Variants in IGSF11 observed in about 807,000 individuals in gnomAD.
IGSF11 encodes CXADR like 1.
IGSF11 carries 22 observed loss-of-function variants against 41.0 expected under a neutral mutation model. The observed-to-expected ratio is 0.54, with a 90% confidence interval of 0.38 to 0.77. The LOEUF is 0.77. IGSF11 is among the 30% of genes least tolerant of loss of function. The probability of loss-of-function intolerance (pLI) is 0.00; values close to 1 mark genes in which losing one functional copy is unlikely to be tolerated. For synonymous variants in IGSF11, 219 were observed against 201.3 expected (o/e 1.09, Z -0.74); for missense variants, 444 against 530.8 (o/e 0.84, Z 1.61).
chr3:118,978,996 C>G (rs1934423443), intron 1 of IGSF11, among the ~76,000 whole-genome samples: 1 of 151,952 alleles, frequency 6.6e-6, no homozygotes, highest in Non-Finnish European at 1.5e-5. Context: ...AAAAGAAAAC[C>G]TCCCTGAGCT....
chr3:118,994,204 G>T (rs972538975), intron 1 of IGSF11, among the ~76,000 whole-genome samples: 1 of 151,986 alleles, frequency 6.6e-6, no homozygotes, highest in African/African-American at 2.4e-5. Context: ...TGGCTCTGGG[G>T]GCACCAGAGA....
At chr3:118,986,988 A>G (rs1033301814) in intron 1 of IGSF11, among the ~76,000 whole-genome samples, 2 of 152,230 alleles carry the variant, frequency 1.3e-5, no homozygotes, top group African/African-American at 4.8e-5. Flanking sequence ...TAGCAGTTCC[A>G]TAAGGTTAGG....
chr3:119,054,901 T>C (rs1041236906), intron 1 of IGSF11, among the ~76,000 whole-genome samples: 1 of 151,912 alleles, frequency 6.6e-6, no homozygotes, highest in South Asian at 2.1e-4. Flanking sequence ...CCCTGACACC[T>C]GAGTAGCCTA....
chr3:118,928,573 G>A lies in IGSF11; in HGVS notation c.360C>T (p.Cys120=), dbSNP rs779094816. ...TQLSDTGTYQ[C]LVNNLPDIGG... ...CTATGTCTGGAAGGTTGTTGACCAG[G>A]CACTGGTAGGTGCCAGTGTCTGATA... Residue 120 remains cysteine (C), a synonymous_variant, in exon 3 of 7, where the codon TGC becomes TGT. Transcript: ENST00000393775. 7 of 1,613,754 alleles carry A rather than the reference G, an allele frequency of 4.3e-6. No individual in the cohort carries two copies. The highest frequency in any genetic ancestry group is 5.9e-6 in the Non-Finnish European group (7 of 1,179,846).
At chr3:119,108,898 T>C (rs2107515665), upstream of IGSF11, among the ~76,000 whole-genome samples, 1 of 139,790 alleles carries the variant, frequency 7.2e-6, no homozygotes, top group East Asian at 2.1e-4. Flanking sequence ...CATTTATTGA[T>C]TTGCATATAT....
At chr3:119,030,256 T>C (rs1425264693) in intron 1 of IGSF11, among the ~76,000 whole-genome samples, 1 of 152,232 alleles carries the variant, frequency 6.6e-6, no homozygotes, top group Non-Finnish European at 1.5e-5. Flanking sequence ...ATGGGTTTCA[T>C]CCTATACTCT....
chr3:118,989,497 C>T (rs1487468085), intron 1 of IGSF11, among the ~76,000 whole-genome samples: 8 of 152,074 alleles, frequency 5.3e-5, no homozygotes, highest in Non-Finnish European at 1.2e-4. Flanking sequence ...GGACTACAGG[C>T]GCCCACCACC....
chr3:119,098,356 A>G (rs2076889132), intron 1 of IGSF11, among the ~76,000 whole-genome samples: 1 of 152,212 alleles, frequency 6.6e-6, no homozygotes, highest in African/African-American at 2.4e-5. Flanking sequence ...AGTGCCTAAC[A>G]TATTGTAAGC....
chr3:118,907,241 A>G (rs773074485), intron 4 of IGSF11, among the ~76,000 whole-genome samples: 3 of 152,216 alleles, frequency 2.0e-5, no homozygotes, highest in Non-Finnish European at 2.9e-5. Context: ...AGACACGAGG[A>G]GTCAGCAAAA....
At chr3:119,144,033 A>G (rs1399274509) in intron 1 of IGSF11, among the ~76,000 whole-genome samples, 2 of 152,202 alleles carry the variant, frequency 1.3e-5, no homozygotes, top group East Asian at 3.8e-4. Context: ...GTTCTACAAT[A>G]ATAGTTGGAG....
At chr3:119,005,758 A>G (rs1937436350) in intron 1 of IGSF11, among the ~76,000 whole-genome samples, 1 of 109,454 alleles carries the variant, frequency 9.1e-6, no homozygotes, top group Admixed American at 9.1e-5. Context: ...TCTGGGTTGA[A>G]AATTCTTTTC....
At chr3:118,968,032 G>A (rs1485387408) in intron 1 of IGSF11, among the ~76,000 whole-genome samples, 1 of 152,104 alleles carries the variant, frequency 6.6e-6, no homozygotes, top group East Asian at 1.9e-4. Flanking sequence ...CTCAGATAAG[G>A]GTGACTTACA....
intron 1 of IGSF11, among the ~76,000 whole-genome samples, chr3:118,997,197 G>A (rs28685117): frequency 4.6e-4 from 68 of 146,268 alleles, no homozygotes; most frequent in African/African-American, 1.8e-3. Flanking sequence ...CTAAACAGTA[G>A]TAGAAGCCTG....
chr3:119,072,411 G>C (rs762162977), intron 1 of IGSF11, among the ~76,000 whole-genome samples: 1 of 152,128 alleles, frequency 6.6e-6, no homozygotes, highest in African/African-American at 2.4e-5. Context: ...TTAAGAGTTA[G>C]GTTGTGTCCA....
intron 1 of IGSF11, among the ~76,000 whole-genome samples, chr3:118,978,735 A>T: frequency 6.6e-6 from 1 of 152,202 alleles, no homozygotes; most frequent in South Asian, 2.1e-4. Context: ...GAATCAAGCC[A>T]AAGTGCCCTA....
chr3:119,012,730 C>A (rs1279775253), intron 1 of IGSF11: 1 of 152,134 alleles, frequency 6.6e-6, no homozygotes, highest in Non-Finnish European at 1.5e-5. Context: ...GAAAATCCAT[C>A]CCTTTTCTTA....
At chr3:119,137,587 C>A (rs914373754) in intron 1 of IGSF11, among the ~76,000 whole-genome samples, 2 of 152,056 alleles carry the variant, frequency 1.3e-5, no homozygotes, top group African/African-American at 4.8e-5. Context: ...AAAGACAAAT[C>A]TAAGACTACA....
intron 1 of IGSF11, among the ~76,000 whole-genome samples, chr3:118,931,122 C>T (rs914758101): frequency 6.6e-5 from 10 of 152,140 alleles, no homozygotes; most frequent in African/African-American, 2.4e-4. Flanking sequence ...CTACATGGGG[C>T]AAAAATAGTC....
At chr3:118,913,339 T>C (rs1010911546) in intron 4 of IGSF11, among the ~76,000 whole-genome samples, 4 of 152,096 alleles carry the variant, frequency 2.6e-5, no homozygotes, top group Non-Finnish European at 4.4e-5. Flanking sequence ...CACAAGCCCA[T>C]AGCAGGATTA....
Sources: gnomAD v4.1 joint callset for allele counts (sites outside exome capture counted in the v4.1 genomes callset) on GRCh38, gnomAD v4.1.1 for gene constraint, MANE v1.5 for transcripts, NCBI Gene and HGNC (gene_info 2026-07-23, HGNC 2026-07-21) for gene names.